The following EGFR variants were observed in gnomAD, a reference collection of about 807,000 sequenced individuals.
EGFR encodes epidermal growth factor receptor, also known as avian erythroblastic leukemia viral (v-erb-b) oncogene homolog.
Under a neutral mutation model 143.0 loss-of-function variants are expected in EGFR, and 58 were observed. The observed-to-expected ratio is 0.41, with a 90% CI of 0.33 to 0.50. EGFR has a LOEUF of 0.50. EGFR is among the 20% of genes least tolerant of loss of function. The pLI is 0.39. For missense variants in EGFR, 1,307 were observed against 1,579.0 expected, an observed-to-expected ratio of 0.83 and a Z score of 2.92; for synonymous variants, 613 against 594.4, an observed-to-expected ratio of 1.03 and a Z score of -0.45.
chr7:55,023,031 C>A (rs1786664612), intron 1 of EGFR, among the ~76,000 whole-genome samples: 1 of 152,176 alleles, frequency 6.6e-6, no homozygotes, highest in Non-Finnish European at 1.5e-5. Context: ...GACAAACCAA[C>A]TCTAATATTA....
intron 1 of EGFR, among the ~76,000 whole-genome samples, chr7:55,069,823 C>T (rs951453453): frequency 3.3e-5 from 5 of 152,222 alleles, no homozygotes; most frequent in Non-Finnish European, 5.9e-5. Flanking sequence ...AGTTACCTAA[C>T]TGCTGTCTCC....
chr7:55,086,242 C>G (rs1404353792), intron 1 of EGFR, among the ~76,000 whole-genome samples: 5 of 152,170 alleles, frequency 3.3e-5, no homozygotes, highest in African/African-American at 9.7e-5. Flanking sequence ...GGGCTTGCAC[C>G]CCGGAGCCTT....
At chr7:55,125,018 T>C (rs932412193) in intron 1 of EGFR, among the ~76,000 whole-genome samples, 6 of 152,172 alleles carry the variant, frequency 3.9e-5, no homozygotes, top group Admixed American at 6.5e-5. Flanking sequence ...CTGGGAACCT[T>C]AATAAAGTGC....
chr7:55,038,116 C>CG lies in EGFR; in HGVS notation c.88+18758dup, dbSNP rs566306166. 7.2e-4 allele frequency among the ~76,000 whole-genome samples: 109 copies of CG among 152,088 alleles called. No homozygotes were observed. The Middle Eastern group carries it at 0.014, about 19-fold the overall frequency. ...AAGCCATAGAAGGGAGATAGGAAAG[C>CG]GGGGGGGTGGAGCCACAGTACATTC... On this transcript the variant is annotated intron_variant, in intron 1 of 27. Transcript: ENST00000275493.
intron 1 of EGFR, among the ~76,000 whole-genome samples, chr7:55,095,230 G>C (rs993991295): frequency 1.3e-5 from 2 of 152,180 alleles, no homozygotes; most frequent in Non-Finnish European, 2.9e-5. Context: ...TCTGCTGTCC[G>C]ACTGGCCCTC....
intron 5 of EGFR, chr7:55,152,218 C>T (rs894744758): frequency 7.6e-5 from 36 of 476,450 alleles, no homozygotes; most frequent in Non-Finnish European, 1.2e-4. Context: ...TGTGGGGGGG[C>T]TGTTAGGCCC....
At chr7:55,181,793 A>G in intron 20 of EGFR, 3 of 426,904 alleles carry the variant, frequency 7.0e-6, no homozygotes, top group South Asian at 2.2e-5. Context: ...GGTGATTTGT[A>G]GTGGAGAAGG....
chr7:55,138,323 TG>T (rs1794270413), intron 1 of EGFR, among the ~76,000 whole-genome samples: 1 of 152,248 alleles, frequency 6.6e-6, no homozygotes, highest in African/African-American at 2.4e-5. Context: ...ACTAGCATTT[TG>T]TATGGAACTT....
At chr7:55,072,045 A>G (rs1282273166) in intron 1 of EGFR, among the ~76,000 whole-genome samples, 1 of 151,696 alleles carries the variant, frequency 6.6e-6, no homozygotes, top group Non-Finnish European at 1.5e-5. Context: ...CACTGTGGTC[A>G]GTGCAGCGTC....
intron 20 of EGFR, 51 bp from the exon 21 acceptor site, chr7:55,191,668 G>C: frequency 1.2e-6 from 2 of 1,611,010 alleles, no homozygotes; most frequent in South Asian, 2.2e-5. Context: ...CGGATGCAGA[G>C]CTTCTTCCCA....
intron 1 of EGFR, among the ~76,000 whole-genome samples, chr7:55,034,266 CT>C (rs1030760206): frequency 3.3e-4 from 50 of 152,280 alleles, no homozygotes; most frequent in Non-Finnish European, 5.4e-4. Flanking sequence ...CAGAGTCTCA[CT>C]TTTTTCCCCA....
intron 10 of EGFR, among the ~76,000 whole-genome samples, chr7:55,157,195 CA>C (rs1275356342): frequency 6.6e-6 from 1 of 152,246 alleles, no homozygotes. Flanking sequence ...GGGCCACGGG[CA>C]AGCCTCGGGT....
intron 20 of EGFR, among the ~76,000 whole-genome samples, chr7:55,188,361 A>C (rs1372885037): frequency 6.6e-6 from 1 of 151,994 alleles, no homozygotes; most frequent in African/African-American, 2.4e-5. Flanking sequence ...CCAGCCCTTC[A>C]AGGTCAAACA....
chr7:55,055,605 A>G (rs549052472), intron 1 of EGFR, among the ~76,000 whole-genome samples: 4 of 152,280 alleles, frequency 2.6e-5, no homozygotes, highest in African/African-American at 9.6e-5. Context: ...TTCAAAATAT[A>G]TGAGATGTGA....
chr7:55,205,897 T>TTAA lies in EGFR; in HGVS notation c.*280_*281insTAA. ...AATTTATCTTTCAAAGAGGTATATT[T>TTAA]GAAAAAAAAAAAAAGTATATGTGAG... On this transcript the variant is annotated 3_prime_UTR_variant, in exon 28 of 28. Coordinates refer to ENST00000275493, the MANE Select transcript of EGFR (RefSeq NM_005228.5). 2.2e-6 allele frequency: 1 copy of TTAA among 449,796 alleles called. No individual in the cohort carries two copies. 27.9% of individuals were successfully genotyped at this position (449,796 alleles called of 1,614,324 possible).
At chr7:55,106,816 C>T (rs1036047823) in intron 1 of EGFR, among the ~76,000 whole-genome samples, 38 of 152,162 alleles carry the variant, frequency 2.5e-4, no homozygotes, top group African/African-American at 8.9e-4. Context: ...GTAAAGTGTA[C>T]ATTTTAAAGT....
At chr7:55,101,660 T>C (rs559961069) in intron 1 of EGFR, among the ~76,000 whole-genome samples, 1 of 152,348 alleles carries the variant, frequency 6.6e-6, no homozygotes, top group Non-Finnish European at 1.5e-5. Context: ...TGAAACAGGT[T>C]AGCCACACAT....
chr7:55,147,711 C>T (rs1359684374), intron 4 of EGFR, among the ~76,000 whole-genome samples: 2 of 152,160 alleles, frequency 1.3e-5, no homozygotes, highest in African/African-American at 4.8e-5. Context: ...CCATCACCAC[C>T]GTCCACACAC....
Position 55,153,585 on chromosome 7 carries a change from C to A in EGFR, c.748-426C>A, listed in dbSNP as rs137896736. Among the ~76,000 whole-genome samples the A allele has an allele frequency of 1.7e-3, 259 of 152,280 alleles. 1 individual carries two copies. Among genetic ancestry groups the A allele is most frequent in the African/African-American group, 6.0e-3 (249 of 41,540 alleles). ...CTGTATTGGGTCTGGCTCCTTTACA[C>A]GGCATTGTTCTAGCAAGGCTTTCTG... is the stretch of plus-strand genomic sequence containing the variant. On this transcript the variant is annotated intron_variant, in intron 6 of 27. Transcript: ENST00000275493.
Sources: allele counts gnomAD v4.1 joint callset (sites outside exome capture counted in the v4.1 genomes callset), GRCh38; gene constraint gnomAD v4.1.1; transcripts MANE v1.5; gene names NCBI Gene and HGNC (gene_info 2026-07-23, HGNC 2026-07-21).